The following NEDD4 variants were observed in gnomAD, a reference collection of about 807,000 sequenced individuals.
NEDD4 encodes NEDD4 E3 ubiquitin protein ligase, also known as E3 ubiquitin-protein ligase NEDD4.
A neutral mutation model predicts 144.9 loss-of-function variants in NEDD4; 99 were observed. That is an observed-to-expected ratio of 0.68 (90% CI 0.58 to 0.81). The LOEUF (loss-of-function observed/expected upper bound fraction) is 0.81. Ranked by LOEUF, NEDD4 falls within the 30% of genes least tolerant of loss-of-function variation. The pLI is 0.00. For synonymous variants in NEDD4, 318 were observed against 350.6 expected, an observed-to-expected ratio of 0.91 and a Z score of 1.04; for missense variants, 985 against 1,065.9, an observed-to-expected ratio of 0.92 and a Z score of 1.06.
chr15:55,899,175 T>C lies in NEDD4; in HGVS notation c.292-25167A>G, dbSNP rs992724837. On this transcript the variant is annotated intron_variant, in intron 5 of 28. Transcript: ENST00000435532. ...ATCAAATAATTCCCAAAGTAGTTTT[T>C]CTTCTTCTTTTTAATTCTCTCTCTC... Among the ~76,000 whole-genome samples, 19 of 152,190 alleles carry C rather than the reference T, an allele frequency of 1.2e-4. 1 individual carries two copies. Among genetic ancestry groups the C allele is most frequent in the African/African-American group, 4.3e-4 (18 of 41,426 alleles).
intron 5 of NEDD4, among the ~76,000 whole-genome samples, chr15:55,874,818 A>G (rs556578573): frequency 3.3e-5 from 5 of 152,284 alleles, no homozygotes; most frequent in Non-Finnish European, 5.9e-5. Context: ...TACGAAAAAT[A>G]CAAAAATTAG....
chr15:55,884,975 G>A (rs1282604176), intron 5 of NEDD4, among the ~76,000 whole-genome samples: 5 of 152,096 alleles, frequency 3.3e-5, no homozygotes, highest in Non-Finnish European at 5.9e-5. Flanking sequence ...AAGCACATAT[G>A]ACCTAAATAA....
chr15:55,909,285 T>C (rs1426389137), intron 5 of NEDD4, among the ~76,000 whole-genome samples: 2 of 152,254 alleles, frequency 1.3e-5, no homozygotes, highest in African/African-American at 4.8e-5. Flanking sequence ...GCTCTTGTTC[T>C]ATCCCAACAG....
intron 4 of NEDD4, 56 bp downstream of exon 4, chr15:55,951,320 C>T: frequency 1.4e-6 from 1 of 714,124 alleles, no homozygotes; most frequent in Non-Finnish European, 2.2e-6. Context: ...ATCATTCTAA[C>T]CTCCTAAGAA....
chr15:55,829,737 T>C lies in NEDD4; in HGVS notation c.*160A>G. ...CACATTATTTAAAAGTGATTAAAAA[T>C]AAGTTGTCGTACTATTTCTTCAAAT... On this transcript the variant is annotated 3_prime_UTR_variant, in exon 29 of 29. Transcript: ENST00000435532. 1 of 571,656 alleles carries C rather than the reference T, an allele frequency of 1.7e-6. No individual in the cohort carries two copies. Among genetic ancestry groups the C allele is most frequent in the South Asian group, 2.2e-5 (1 of 45,644 alleles). 35.4% of individuals were successfully genotyped at this position (571,656 alleles called of 1,614,324 possible). A position where few individuals can be genotyped will look rare whatever the true frequency, so the allele number is the denominator to read the frequency against.
intron 13 of NEDD4, 49 bp downstream of exon 13, chr15:55,852,375 G>C: frequency 6.3e-7 from 1 of 1,579,212 alleles, no homozygotes; most frequent in Non-Finnish European, 8.6e-7. Flanking sequence ...ACATAGGGAT[G>C]TGACAGTTTA....
At chr15:55,898,903 A>T (rs763343097) in intron 5 of NEDD4, among the ~76,000 whole-genome samples, 1 of 152,142 alleles carries the variant, frequency 6.6e-6, no homozygotes, top group Non-Finnish European at 1.5e-5. Context: ...CAGTCTCCTA[A>T]GTGCTGGGCT....
At chr15:55,897,661 A>G (rs1372923706) in intron 5 of NEDD4, among the ~76,000 whole-genome samples, 1 of 152,158 alleles carries the variant, frequency 6.6e-6, no homozygotes. Context: ...GCAGTTTGAC[A>G]GCCTGGTAAG....
At chr15:55,932,177 T>C (rs1461264220) in intron 4 of NEDD4, among the ~76,000 whole-genome samples, 1 of 152,152 alleles carries the variant, frequency 6.6e-6, no homozygotes, top group Non-Finnish European at 1.5e-5. Flanking sequence ...GAGTGAGTTG[T>C]AATAAGATCT....
intron 2 of NEDD4, among the ~76,000 whole-genome samples, chr15:55,963,323 G>T (rs945542326): frequency 2.0e-5 from 3 of 150,800 alleles, no homozygotes; most frequent in African/African-American, 7.3e-5. Context: ...CTAGTGACAG[G>T]GTCCCACTTT....
intron 1 of NEDD4, 55 bp from the exon 2 acceptor site, chr15:55,966,601 A>G: frequency 1.1e-6 from 1 of 887,708 alleles, no homozygotes; most frequent in Non-Finnish European, 1.6e-6. Flanking sequence ...TAACTAAGAC[A>G]CAATTTTTTA....
At chr15:55,950,771 C>T (rs755927576) in intron 4 of NEDD4, among the ~76,000 whole-genome samples, 1 of 152,116 alleles carries the variant, frequency 6.6e-6, no homozygotes. Flanking sequence ...CAAGGAAGAA[C>T]ATTTTAGGGA....
At chr15:55,932,867 T>C (rs2036809908) in intron 4 of NEDD4, among the ~76,000 whole-genome samples, 2 of 152,276 alleles carry the variant, frequency 1.3e-5, no homozygotes, top group African/African-American at 2.4e-5. Context: ...GCAAAGGATA[T>C]GCACAGACAC....
At chr15:55,986,976 G>A (rs1268292855) in intron 1 of NEDD4, among the ~76,000 whole-genome samples, 1 of 151,070 alleles carries the variant, frequency 6.6e-6, no homozygotes, top group Non-Finnish European at 1.5e-5. Flanking sequence ...TAGTCCTTTG[G>A]GTATATACCC....
At chr15:55,975,935 C>T (rs2037691487) in intron 1 of NEDD4, among the ~76,000 whole-genome samples, 1 of 152,072 alleles carries the variant, frequency 6.6e-6, no homozygotes, top group Non-Finnish European at 1.5e-5. Context: ...AACAGACGTA[C>T]AAACCAATGG....
In NEDD4 at chr15:55,868,668, T is replaced by C. The variant is rs545405578; in HGVS notation, c.507+911A>G. 4.6e-5 allele frequency among the ~76,000 whole-genome samples: 7 copies of C among 152,326 alleles called. No homozygotes were observed. In the South Asian group the frequency reaches 1.5e-3, roughly 32 times the overall value. On this transcript the variant is annotated intron_variant, in intron 8 of 28. Coordinates refer to ENST00000435532, the MANE Select transcript of NEDD4 (RefSeq NM_006154.4). ...CATGTGGAACTGAGTCCATTAAACC[T>C]GTTTTTAAAGCTTTATAAATTACCC...
intron 2 of NEDD4, among the ~76,000 whole-genome samples, chr15:55,959,261 AGATT>A (rs574469024): frequency 2.5e-4 from 38 of 152,198 alleles, no homozygotes; most frequent in Non-Finnish European, 4.7e-4. Flanking sequence ...TTTGACATAT[AGATT>A]ATTTAGAAGT....
chr15:55,831,380 A>T (rs2032943053), intron 27 of NEDD4, among the ~76,000 whole-genome samples: 1 of 152,154 alleles, frequency 6.6e-6, no homozygotes, highest in Non-Finnish European at 1.5e-5. Context: ...ATTTGCCCCA[A>T]ATTTCAAACA....
chr15:55,944,909 A>G (rs1489812816), intron 4 of NEDD4, among the ~76,000 whole-genome samples: 1 of 152,214 alleles, frequency 6.6e-6, no homozygotes, highest in African/African-American at 2.4e-5. Context: ...ACAGATGTGC[A>G]GCTGAGGGAA....
Sources: allele counts gnomAD v4.1 joint callset (sites outside exome capture counted in the v4.1 genomes callset), GRCh38; gene constraint gnomAD v4.1.1; transcripts MANE v1.5; gene names NCBI Gene and HGNC (gene_info 2026-07-23, HGNC 2026-07-21).